The following PDE5A variants were observed in gnomAD, a reference collection of about 807,000 sequenced individuals.
PDE5A encodes phosphodiesterase 5A.
In PDE5A, 67 loss-of-function variants were observed where a neutral mutation model predicts 110.2. That is an observed-to-expected ratio of 0.61 (90% CI 0.50 to 0.75). The LOEUF (loss-of-function observed/expected upper bound fraction) is 0.75. Ranked by LOEUF, PDE5A falls within the 30% of genes least tolerant of loss-of-function variation. The pLI, the probability that PDE5A is intolerant of heterozygous loss-of-function variation, is 0.00. For missense variants in PDE5A, 862 were observed against 1,045.1 expected (o/e 0.82, Z 2.42); for synonymous variants, 328 against 351.2 (o/e 0.93, Z 0.74).
intron 3 of PDE5A, among the ~76,000 whole-genome samples, chr4:119,578,944 C>G (rs1451116563): frequency 2.0e-5 from 3 of 152,092 alleles, no homozygotes; most frequent in Non-Finnish European, 2.9e-5. Flanking sequence ...ACTTATCTGA[C>G]AAAGGGCTAA....
At chr4:119,522,764 T>A (rs1247146433) in intron 12 of PDE5A, among the ~76,000 whole-genome samples, 2 of 151,972 alleles carry the variant, frequency 1.3e-5, no homozygotes, top group African/African-American at 4.8e-5. Flanking sequence ...AAGAAAATTA[T>A]GGTCATATCT....
In PDE5A at chr4:119,497,525, T is replaced by C. The variant is rs1725118714; in HGVS notation, c.*1076A>G. ...ACATCAAAATATGGCAATTTTTCAA[T>C]CACAATACTGCTAAATGTTATTCAG... On this transcript the variant is annotated 3_prime_UTR_variant, in exon 21 of 21. Coordinates refer to ENST00000354960, the MANE Select transcript of PDE5A (RefSeq NM_001083.4). 6.6e-6 allele frequency: 1 copy of C among 152,156 alleles called. No individual in the cohort carries two copies. The highest frequency in any genetic ancestry group is 1.5e-5 in the Non-Finnish European group (1 of 68,004). 9.4% of individuals were successfully genotyped at this position (152,156 alleles called of 1,614,324 possible). A position where few individuals can be genotyped will look rare whatever the true frequency, so the allele number is the denominator to read the frequency against.
intron 9 of PDE5A, 92 bp from the exon 10 acceptor site, chr4:119,542,726 T>C: frequency 8.4e-7 from 1 of 1,187,846 alleles, no homozygotes; most frequent in Non-Finnish European, 1.2e-6. Context: ...TGTCTTACAC[T>C]TTTCTCTTAG....
At chr4:119,506,445 T>G (rs1300062176) in intron 16 of PDE5A, among the ~76,000 whole-genome samples, 3 of 151,844 alleles carry the variant, frequency 2.0e-5, no homozygotes, top group African/African-American at 7.2e-5. Context: ...AGTGAATACC[T>G]CTTTATGTGC....
intron 2 of PDE5A, among the ~76,000 whole-genome samples, chr4:119,602,915 T>C (rs3756155): frequency 6.6e-6 from 1 of 152,130 alleles, no homozygotes; most frequent in Non-Finnish European, 1.5e-5. Context: ...ACATGGAGTG[T>C]CTGTCCTGGA....
chr4:119,542,594 G>A lies in PDE5A; in HGVS notation c.1437C>T (p.Gly479=), dbSNP rs2110487061. The part of the protein sequence containing the change: ...QLVNKMEENT[G]KVKPFNRNDE... ...CATTTCGGTTGAAAGGCTTAACCTTGCCAGTATTCTCCTCCATCTTATTAA... is the reference window on the plus strand; with the variant it reads ...CATTTCGGTTGAAAGGCTTAACCTTACCAGTATTCTCCTCCATCTTATTAA... The change falls in exon 10 of 21, where the codon GGC becomes GGT. Residue 479 remains glycine, a synonymous_variant. Coordinates refer to ENST00000354960, the MANE Select transcript of PDE5A (RefSeq NM_001083.4). The A allele has an allele frequency of 6.2e-7, 1 of 1,613,910 alleles. No homozygotes were observed. Among genetic ancestry groups the A allele is most frequent in the East Asian group, 2.2e-5 (1 of 44,872 alleles).
chr4:119,559,636 T>C (rs1015328469), intron 7 of PDE5A, among the ~76,000 whole-genome samples: 3 of 152,080 alleles, frequency 2.0e-5, no homozygotes, highest in African/African-American at 4.8e-5. Context: ...AAATAATATA[T>C]ATTAATGTGC....
chr4:119,561,516 G>A (rs916917744), intron 6 of PDE5A, among the ~76,000 whole-genome samples: 14 of 152,202 alleles, frequency 9.2e-5, no homozygotes, highest in Admixed American at 3.3e-4. Context: ...CATTGAGTGC[G>A]AATTAAAGTG....
chr4:119,558,656 A>G (rs570605883), intron 7 of PDE5A, among the ~76,000 whole-genome samples: 124 of 152,274 alleles, frequency 8.1e-4, no homozygotes, highest in African/African-American at 2.9e-3. Flanking sequence ...CCTAATTTTT[A>G]TTAAAATAAA....
chr4:119,506,184 A>G lies in PDE5A; in HGVS notation c.2190-252T>C, dbSNP rs539457247. Among the ~76,000 whole-genome samples, 4 of 151,892 alleles carry G rather than the reference A, an allele frequency of 2.6e-5. No individual in the cohort carries two copies. In the South Asian group the frequency reaches 8.3e-4, roughly 31 times the overall value. ...TAGATCACAAATTATGGTAATTTCA[A>G]TTCTTGAATATTTGTTATTTTAAGA... On this transcript the variant is annotated intron_variant, in intron 16 of 20. Coordinates refer to ENST00000354960, the MANE Select transcript of PDE5A (RefSeq NM_001083.4).
chr4:119,540,983 G>A (rs1726907458), intron 10 of PDE5A, among the ~76,000 whole-genome samples: 1 of 152,070 alleles, frequency 6.6e-6, no homozygotes, highest in Non-Finnish European at 1.5e-5. Context: ...ATAGAAATAA[G>A]TCTCAATCAG....
At chr4:119,548,291 G>T (rs1054822822) in intron 9 of PDE5A, 2 of 151,348 alleles carry the variant, frequency 1.3e-5, no homozygotes, top group African/African-American at 4.9e-5. Context: ...CTTGTGATCC[G>T]CCCGCCTCGG....
intron 3 of PDE5A, among the ~76,000 whole-genome samples, chr4:119,591,493 TC>T (rs1728964938): frequency 6.6e-6 from 1 of 152,160 alleles, no homozygotes; most frequent in Admixed American, 6.5e-5. Context: ...TAATAATTAG[TC>T]CCCAAAGCCT....
At position 119,622,789 on chromosome 4, in the gene PDE5A, C is replaced by T. The variant is rs905346751; in HGVS notation, c.152+5731G>A. 5.0e-5 allele frequency among the ~76,000 whole-genome samples: 7 copies of T among 140,454 alleles called. No homozygotes were observed. The East Asian group carries it at 1.5e-3, about 30-fold the overall frequency. 92.1% of individuals were successfully genotyped at this position (140,454 alleles called of 152,430 possible). Reference sequence around the variant, plus strand: ...TCGGGAGTCTGAGGCAGGAGAATGGCGTAAACTCGGCTTGCAATGAGCCGA... The same window carrying T: ...TCGGGAGTCTGAGGCAGGAGAATGGTGTAAACTCGGCTTGCAATGAGCCGA... On this transcript the variant is annotated intron_variant, in intron 1 of 20. Coordinates refer to ENST00000354960, the MANE Select transcript of PDE5A (RefSeq NM_001083.4).
In PDE5A at chr4:119,607,128, G is replaced by A. The variant is rs758846598; in HGVS notation, c.322C>T (p.Arg108Trp). 8.7e-6 allele frequency: 14 copies of A among 1,614,154 alleles called. No individual in the cohort carries two copies. The highest frequency in any genetic ancestry group is 1.1e-5 in the Non-Finnish European group (13 of 1,180,026). Residue 108 changes from arginine to tryptophan, a missense_variant, in exon 2 of 21, where the codon CGG becomes TGG. Transcript: ENST00000354960. ...TRKISASEFD[R>W]PLRPIVVKDS... ...TTGACAACAATGGGTCTAAGAGGCC[G>A]GTCAAATTCAGAGGCAGAGATTTTC...
chr4:119,549,685 A>G (rs1480442361), intron 9 of PDE5A: 1 of 152,212 alleles, frequency 6.6e-6, no homozygotes, highest in African/African-American at 2.4e-5. Flanking sequence ...GGAAAAAGGC[A>G]TTTAGCATAA....
intron 3 of PDE5A, among the ~76,000 whole-genome samples, chr4:119,580,136 G>A (rs1179513200): frequency 1.3e-5 from 2 of 152,092 alleles, no homozygotes; most frequent in East Asian, 1.9e-4. Context: ...TCTTCCCCAC[G>A]AGGGAATGCT....
intron 11 of PDE5A, among the ~76,000 whole-genome samples, chr4:119,530,646 C>T (rs1726497634): frequency 6.6e-6 from 1 of 151,936 alleles, no homozygotes; most frequent in Non-Finnish European, 1.5e-5. Context: ...TTTTTATTCA[C>T]TGTTATATTT....
intron 3 of PDE5A, among the ~76,000 whole-genome samples, chr4:119,576,797 C>A (rs1225569286): frequency 6.6e-6 from 1 of 152,124 alleles, no homozygotes; most frequent in Non-Finnish European, 1.5e-5. Context: ...CAAGAGCAAA[C>A]ACATTCAAAA....
Sources: allele counts gnomAD v4.1 joint callset (sites outside exome capture counted in the v4.1 genomes callset), GRCh38; gene constraint gnomAD v4.1.1; transcripts MANE v1.5; gene names NCBI Gene and HGNC (gene_info 2026-07-23, HGNC 2026-07-21).